Variants in ARHGAP32 observed in about 807,000 individuals in gnomAD.
ARHGAP32 encodes Rho GTPase activating protein 32.
In ARHGAP32, 51 loss-of-function variants were observed where a neutral mutation model predicts 186.5. That is an observed-to-expected ratio of 0.27 (90% confidence interval 0.22 to 0.35). The LOEUF (loss-of-function observed/expected upper bound fraction) is 0.35, where lower values mean the gene tolerates loss of function less well. ARHGAP32 is among the 10% of genes least tolerant of loss of function. The pLI is 1.00. For missense variants in ARHGAP32, 2,186 were observed against 2,623.5 expected (o/e 0.83, Z 3.64); for synonymous variants, 950 against 964.3 (o/e 0.99, Z 0.27).
chr11:129,156,984 G>A (rs1943424197), intron 2 of ARHGAP32, among the ~76,000 whole-genome samples: 1 of 152,126 alleles, frequency 6.6e-6, no homozygotes, highest in South Asian at 2.1e-4. Flanking sequence ...TGCAGCAGAG[G>A]GGCCTCACTA....
intron 1 of ARHGAP32, among the ~76,000 whole-genome samples, chr11:129,246,387 G>C (rs929830419): frequency 8.5e-5 from 13 of 152,104 alleles, no homozygotes; most frequent in African/African-American, 3.1e-4. Context: ...ATAAAAGCAT[G>C]AATAGTCCAT....
intron 1 of ARHGAP32, among the ~76,000 whole-genome samples, chr11:129,267,084 C>T (rs10894013): frequency 0.2 from 30,064 of 152,176 alleles, 3,138 homozygotes; most frequent in East Asian, 0.24. Context: ...TGACTCTCTG[C>T]ACCTCAGCTT....
intron 15 of ARHGAP32, among the ~76,000 whole-genome samples, chr11:128,984,953 C>A (rs1332194745): frequency 6.6e-6 from 1 of 152,104 alleles, no homozygotes; most frequent in Admixed American, 6.5e-5. Context: ...CTCCAACTTA[C>A]AATGGTTCAA....
At chr11:129,087,274 A>C (rs1411692807) in intron 6 of ARHGAP32, among the ~76,000 whole-genome samples, 1 of 152,240 alleles carries the variant, frequency 6.6e-6, no homozygotes, top group East Asian at 1.9e-4. Context: ...ACTTATGTCC[A>C]CACAGAAACC....
At chr11:129,132,127 C>T (rs1784013) in intron 2 of ARHGAP32, among the ~76,000 whole-genome samples, 47,888 of 151,900 alleles carry the variant, frequency 0.32, 7,923 homozygotes, top group Non-Finnish European at 0.37. Flanking sequence ...ATCTTTCTCA[C>T]GAAAGAAAAC....
intron 2 of ARHGAP32, among the ~76,000 whole-genome samples, chr11:129,151,295 A>G: frequency 6.6e-6 from 1 of 152,182 alleles, no homozygotes; most frequent in South Asian, 2.1e-4. Flanking sequence ...GAAATTCAAT[A>G]TTCCACTGAC....
chr11:129,010,165 TA>T (rs1565373319), intron 11 of ARHGAP32, among the ~76,000 whole-genome samples: 1 of 152,218 alleles, frequency 6.6e-6, no homozygotes, highest in Non-Finnish European at 1.5e-5. Context: ...CTTGTAAACT[TA>T]AGTTCCCTGT....
At chr11:129,137,706 C>G (rs1240204196) in intron 2 of ARHGAP32, among the ~76,000 whole-genome samples, 2 of 151,970 alleles carry the variant, frequency 1.3e-5, no homozygotes, top group East Asian at 3.9e-4. Context: ...AGGAGAAACC[C>G]ATATTCATTT....
intron 2 of ARHGAP32, among the ~76,000 whole-genome samples, chr11:129,125,329 C>G (rs1942635827): frequency 6.6e-6 from 1 of 151,958 alleles, no homozygotes; most frequent in African/African-American, 2.4e-5. Context: ...TATAATACTT[C>G]CAAATTACTC....
Position 129,250,853 on chromosome 11 carries a change from AGCTTACAT to A in ARHGAP32, c.-5+28285_-5+28292del, listed in dbSNP as rs1412527294. 1.0e-3 allele frequency among the ~76,000 whole-genome samples: 158 copies of A among 152,336 alleles called. 1 individual carries two copies. Among genetic ancestry groups the A allele is most frequent in the African/African-American group, 3.5e-3 (144 of 41,590 alleles). ...AAAGCAAGAAGGAAGAAAATTAACT[AGCTTACAT>A]ATGTCATACCTCACACTTAATCTTC... On this transcript the variant is annotated intron_variant, in intron 1 of 6. Transcript: ENST00000525234.
At chr11:129,194,939 GT>G (rs200028337), upstream of ARHGAP32, among the ~76,000 whole-genome samples, 818 of 110,940 alleles carry the variant, frequency 7.4e-3, 5 homozygotes, top group African/African-American at 0.027. Flanking sequence ...TCAAAGTGTT[GT>G]TTTTTTGTGG....
Position 129,062,307 on chromosome 11 carries a change from T to C in ARHGAP32, c.936A>G (p.Thr312=), listed in dbSNP as rs774073683. ...VIDMPPKVLS[T]WWRGKHGFQV... is the part of the protein sequence containing the mutation. ...GGAATCCGTGCTTGCCTCTCCACCA[T>C]GTGCTTAACACTTTCGGGGGCATGT... The change falls in exon 10 of 23, where the codon ACA becomes ACG. Residue 312 remains threonine (T), a synonymous_variant. Coordinates refer to ENST00000682385, the MANE Select transcript of ARHGAP32 (RefSeq NM_001378024.1). 1.5e-5 allele frequency: 24 copies of C among 1,613,644 alleles called. No individual in the cohort carries two copies. The highest frequency in any genetic ancestry group is 1.7e-5 in the Admixed American group (1 of 60,002).
At chr11:128,999,396 T>A (rs1483006768) in intron 11 of ARHGAP32, among the ~76,000 whole-genome samples, 1 of 152,212 alleles carries the variant, frequency 6.6e-6, no homozygotes, top group Admixed American at 6.5e-5. Flanking sequence ...TGACAATGCA[T>A]GCACAGCGGG....
chr11:129,123,505 GA>G lies in ARHGAP32; in HGVS notation c.384del (p.Pro129ArgfsTer30). On this transcript the variant is annotated frameshift_variant, in exon 5 of 23. Transcript: ENST00000682385. LOFTEE classifies it high-confidence loss of function. The surrounding 1 kb of genome is among the most constrained non-coding windows in gnomAD (Gnocchi z 4.6). ...IHRLPFTKGH[F>X]PKMAECAHFH... is the part of the protein sequence containing the mutation. ...AAATGCGCACATTCAGCCATCTTCGGAAAGTGACCTTTAGTGAAGGGTAACC... is the reference window on the plus strand; with the variant it reads ...AAATGCGCACATTCAGCCATCTTCGGAAGTGACCTTTAGTGAAGGGTAACC... The G allele has an allele frequency of 6.2e-7, 1 of 1,612,840 alleles. No homozygotes were observed. The highest frequency in any genetic ancestry group is 8.5e-7 in the Non-Finnish European group (1 of 1,179,092).
At chr11:129,262,737 A>G (rs1565484027) in intron 1 of ARHGAP32, among the ~76,000 whole-genome samples, 1 of 152,128 alleles carries the variant, frequency 6.6e-6, no homozygotes, top group Non-Finnish European at 1.5e-5. Context: ...TCGTTTTATA[A>G]GGCCTGGCAG....
chr11:129,000,925 C>G (rs1946341730), intron 11 of ARHGAP32, among the ~76,000 whole-genome samples: 1 of 152,152 alleles, frequency 6.6e-6, no homozygotes, highest in Non-Finnish European at 1.5e-5. Flanking sequence ...TAATGGTGTC[C>G]AGTTCCATCC....
At chr11:128,991,567 C>T (rs1261547092) in intron 12 of ARHGAP32, among the ~76,000 whole-genome samples, 1 of 152,092 alleles carries the variant, frequency 6.6e-6, no homozygotes, top group Non-Finnish European at 1.5e-5. Flanking sequence ...AGGCTATTTA[C>T]TAGCTACCCC....
intron 11 of ARHGAP32, among the ~76,000 whole-genome samples, chr11:129,034,359 T>C (rs1939237177): frequency 6.6e-6 from 1 of 152,204 alleles, no homozygotes; most frequent in Non-Finnish European, 1.5e-5. Flanking sequence ...GTCAAAATTT[T>C]TTAACTGTCC....
chr11:129,098,811 TA>T (rs1941809640), intron 5 of ARHGAP32, among the ~76,000 whole-genome samples: 3 of 152,216 alleles, frequency 2.0e-5, no homozygotes, highest in African/African-American at 7.2e-5. Flanking sequence ...AATTTTGTGA[TA>T]ATCAACAACC....
Sources: allele counts gnomAD v4.1 joint callset (sites outside exome capture counted in the v4.1 genomes callset), GRCh38; gene constraint gnomAD v4.1.1; non-coding constraint Gnocchi (gnomAD v3.1); transcripts MANE v1.5; gene names NCBI Gene and HGNC (gene_info 2026-07-23, HGNC 2026-07-21).